GPC6: variants seen among roughly 807,000 people sequenced by gnomAD.
The protein encoded by GPC6 is glypican-6.
A neutral mutation model predicts 55.2 loss-of-function variants in GPC6; 14 were observed. That is an observed-to-expected ratio of 0.25 (90% confidence interval 0.17 to 0.40). The LOEUF (loss-of-function observed/expected upper bound fraction) is 0.40, where lower values mean the gene tolerates loss of function less well. Among genes scored for constraint, GPC6 ranks in the 10% least tolerant of loss-of-function variants. The probability of loss-of-function intolerance (pLI) is 1.00; values close to 1 mark genes in which losing one functional copy is unlikely to be tolerated. For missense variants in GPC6, 641 were observed against 708.5 expected (o/e 0.90, Z 1.08); for synonymous variants, 278 against 259.6 (o/e 1.07, Z -0.68).
intron 3 of GPC6, among the ~76,000 whole-genome samples, chr13:93,959,298 G>T (rs1480403898): frequency 6.6e-6 from 1 of 151,956 alleles, no homozygotes; most frequent in Admixed American, 6.6e-5. Context: ...AAGTAGCTGG[G>T]ATTACAGGCA....
At chr13:93,842,131 GACA>G (rs1049126556) in intron 3 of GPC6, among the ~76,000 whole-genome samples, 6 of 152,070 alleles carry the variant, frequency 3.9e-5, no homozygotes, top group African/African-American at 1.4e-4. Context: ...AATGAAAATG[GACA>G]ACATTTAGTA....
At chr13:94,086,324 C>T (rs1490984896) in intron 4 of GPC6, among the ~76,000 whole-genome samples, 1 of 152,086 alleles carries the variant, frequency 6.6e-6, no homozygotes, top group Non-Finnish European at 1.5e-5. Flanking sequence ...GGTTCACCTT[C>T]CCCGGAAACA....
chr13:93,274,298 T>A (rs1334410860), intron 1 of GPC6, among the ~76,000 whole-genome samples: 1 of 152,136 alleles, frequency 6.6e-6, no homozygotes, highest in East Asian at 1.9e-4. Context: ...CAATGCCACA[T>A]AAACAATGAG....
chr13:94,045,911 A>G (rs1027116041), intron 4 of GPC6, among the ~76,000 whole-genome samples: 1 of 151,976 alleles, frequency 6.6e-6, no homozygotes, highest in Non-Finnish European at 1.5e-5. Flanking sequence ...GCATTATTCT[A>G]TTGAACCACC....
chr13:93,998,934 C>T (rs552059321), intron 3 of GPC6, among the ~76,000 whole-genome samples: 3 of 152,130 alleles, frequency 2.0e-5, no homozygotes, highest in Admixed American at 6.6e-5. Context: ...TGAACTTATT[C>T]GTCCTATCTC....
chr13:93,555,523 A>G (rs1175177292), intron 2 of GPC6, among the ~76,000 whole-genome samples: 2 of 152,136 alleles, frequency 1.3e-5, no homozygotes, highest in Non-Finnish European at 2.9e-5. Flanking sequence ...CTCATTATCC[A>G]TTAACTCTTA....
chr13:93,765,684 A>T (rs1169053679), intron 2 of GPC6, among the ~76,000 whole-genome samples: 2 of 152,114 alleles, frequency 1.3e-5, no homozygotes, highest in African/African-American at 4.8e-5. Flanking sequence ...ATTACATAGC[A>T]CCCTAAAGCT....
intron 3 of GPC6, among the ~76,000 whole-genome samples, chr13:93,941,676 T>G (rs1046000478): frequency 8.5e-5 from 13 of 152,212 alleles, no homozygotes; most frequent in African/African-American, 2.7e-4. Context: ...ATTCTTTGAC[T>G]GTCTTTAGAG....
intron 4 of GPC6, among the ~76,000 whole-genome samples, chr13:94,101,924 A>T (rs540348013): frequency 6.6e-6 from 1 of 152,116 alleles, no homozygotes; most frequent in South Asian, 2.1e-4. Flanking sequence ...TTTTTTCTTC[A>T]TTTGTTAATG....
chr13:93,797,390 T>C (rs1240207673), intron 2 of GPC6, among the ~76,000 whole-genome samples: 2 of 152,198 alleles, frequency 1.3e-5, no homozygotes, highest in Non-Finnish European at 2.9e-5. Flanking sequence ...CTAGTACAGC[T>C]TTCATATACG....
At chr13:93,905,870 G>A (rs1032568676) in intron 3 of GPC6, among the ~76,000 whole-genome samples, 7 of 152,222 alleles carry the variant, frequency 4.6e-5, no homozygotes, top group Non-Finnish European at 1.0e-4. Flanking sequence ...AAAGTATGAA[G>A]AAGGTATGTG....
intron 3 of GPC6, among the ~76,000 whole-genome samples, chr13:94,001,720 T>C (rs898952038): frequency 6.6e-6 from 1 of 152,186 alleles, no homozygotes; most frequent in East Asian, 1.9e-4. Flanking sequence ...GAAAATACAG[T>C]TGGTTTCATT....
At chr13:93,775,512 G>A (rs1885438818) in intron 2 of GPC6, among the ~76,000 whole-genome samples, 1 of 152,178 alleles carries the variant, frequency 6.6e-6, no homozygotes, top group African/African-American at 2.4e-5. Context: ...CTTCAGGCCT[G>A]GTGAGCTTCT....
intron 3 of GPC6, among the ~76,000 whole-genome samples, chr13:93,998,609 G>GT (rs1881659380): frequency 6.6e-6 from 1 of 152,066 alleles, no homozygotes; most frequent in Admixed American, 6.6e-5. Flanking sequence ...ACTTTTTGTT[G>GT]TAAGTCAATG....
chr13:93,330,479 A>G (rs186973168), intron 1 of GPC6, among the ~76,000 whole-genome samples: 2 of 151,952 alleles, frequency 1.3e-5, no homozygotes, highest in African/African-American at 4.8e-5. Context: ...GTGAGTCATG[A>G]TGGCGCCACT....
At chr13:93,973,502 C>CAA (rs146500213) in intron 3 of GPC6, among the ~76,000 whole-genome samples, 277 of 151,170 alleles carry the variant, frequency 1.8e-3, no homozygotes, top group African/African-American at 6.5e-3. Flanking sequence ...TTAATTAAGC[C>CAA]AAAAAAAGGC....
At position 93,830,381 on chromosome 13, in the gene GPC6, A is replaced by G. The variant is rs1162880269; in HGVS notation, c.547A>G (p.Ser183Gly). 6.2e-7 allele frequency: 1 copy of G among 1,613,862 alleles called. No homozygotes were observed. Among genetic ancestry groups the G allele is most frequent in the Non-Finnish European group, 8.5e-7 (1 of 1,179,968 alleles). ...FQLINPQYHFSEDYLECVSKY... is the reference protein window; with the variant it reads ...FQLINPQYHFGEDYLECVSKY... ...GCTGATAAACCCTCAGTATCACTTC[A>G]GTGAAGACTACCTGGAATGTGTGAG... The change falls in exon 3 of 9, where the codon AGT becomes GGT. Residue 183 changes from serine (S) to glycine (G), a missense_variant. Ser to Gly is a moderately conservative substitution (Grantham distance 56, BLOSUM62 0). Transcript: ENST00000377047.
intron 5 of GPC6, among the ~76,000 whole-genome samples, chr13:94,287,614 T>C (rs1173549159): frequency 1.3e-5 from 2 of 152,106 alleles, no homozygotes. Flanking sequence ...CATAAGCCTT[T>C]TTGGGGGTTT....
chr13:93,628,531 T>C (rs1472419658), intron 2 of GPC6, among the ~76,000 whole-genome samples: 1 of 152,194 alleles, frequency 6.6e-6, no homozygotes, highest in Non-Finnish European at 1.5e-5. Context: ...GGGTCAGTGC[T>C]GAGTCTTCCC....
Sources: gnomAD v4.1 joint callset for allele counts (sites outside exome capture counted in the v4.1 genomes callset) on GRCh38, gnomAD v4.1.1 for gene constraint, MANE v1.5 for transcripts, NCBI Gene and HGNC (gene_info 2026-07-23, HGNC 2026-07-21) for gene names.